CLK1: variants seen among roughly 807,000 people sequenced by gnomAD.
The protein encoded by CLK1 is CDC like kinase 1.
In CLK1, 40 loss-of-function variants were observed where a neutral mutation model predicts 60.9. That is an observed-to-expected ratio of 0.66 (90% CI 0.51 to 0.86). The LOEUF (loss-of-function observed/expected upper bound fraction) is 0.86, where lower values mean the gene tolerates loss of function less well. Ranked by LOEUF, CLK1 falls within the 40% of genes least tolerant of loss-of-function variation. The pLI is 0.00. For synonymous variants in CLK1, 203 were observed against 184.4 expected, an observed-to-expected ratio of 1.10 and a Z score of -0.82; for missense variants, 563 against 606.1, an observed-to-expected ratio of 0.93 and a Z score of 0.75.
Position 200,861,434 on chromosome 2 carries a change from T to C in CLK1, c.194A>G (p.Lys65Arg), listed in dbSNP as rs759869436. The change falls in exon 3 of 13, where the codon AAA (lysine) becomes AGA (arginine). Residue 65 changes from lysine (K) to arginine (R), a missense_variant. Physicochemically the swap from Lys to Arg is conservative, Grantham distance 26 (BLOSUM62 2). This residue lies in a region of CLK1 where 198 missense variants were observed against 179.2 expected (regional missense o/e 1.10). Transcript: ENST00000321356. ...HYLESRSINEKDYHSRRYIDE... is the reference protein window; with the variant it reads ...HYLESRSINERDYHSRRYIDE... ...AATGTAGCGTCGACTATGATAATCT[T>C]TCTCATTTATAGACCTGCTTTCCAA... 13 of 1,613,860 alleles carry C rather than the reference T, an allele frequency of 8.1e-6. No homozygotes were observed. The highest frequency in any genetic ancestry group is 1.1e-5 in the Non-Finnish European group (13 of 1,179,994).
At chr2:200,863,321 G>C (rs2039172003) in intron 1 of CLK1, 1 of 152,374 alleles carries the variant, frequency 6.6e-6, no homozygotes, top group East Asian at 1.9e-4. Flanking sequence ...CACTTTGGGA[G>C]GCCGAAGCAG....
intron 9 of CLK1, among the ~76,000 whole-genome samples, chr2:200,855,623 C>CCG (rs1553605788): frequency 6.8e-6 from 1 of 147,204 alleles, no homozygotes; most frequent in Non-Finnish European, 1.5e-5. Flanking sequence ...AGACTCCGCC[C>CCG]CCCCCCCAAA....
Position 200,859,674 on chromosome 2 carries a change from A to G in CLK1, c.548+6T>C. 1.2e-6 allele frequency: 2 copies of G among 1,611,282 alleles called. No homozygotes were observed. Among genetic ancestry groups the G allele is most frequent in the Non-Finnish European group, 1.7e-6 (2 of 1,178,726 alleles). ...CCTAAAAGTAATCCCAACATGGGAAACTTACGCTTTATGATCGATGCACTC... is the reference window on the plus strand; with the variant it reads ...CCTAAAAGTAATCCCAACATGGGAAGCTTACGCTTTATGATCGATGCACTC... On this transcript the variant is annotated splice_donor_region_variant and intron_variant, in intron 5 of 12. Coordinates refer to ENST00000321356, the MANE Select transcript of CLK1 (RefSeq NM_004071.4).
intron 11 of CLK1, among the ~76,000 whole-genome samples, chr2:200,854,287 G>A (rs1961417): frequency 9.9e-5 from 15 of 152,224 alleles, no homozygotes; most frequent in African/African-American, 3.6e-4. Context: ...TGTAATCTCA[G>A]CACTTTGGGA....
chr2:200,856,111 C>T (rs147031285), intron 9 of CLK1, among the ~76,000 whole-genome samples: 15 of 151,984 alleles, frequency 9.9e-5, no homozygotes, highest in African/African-American at 2.2e-4. Flanking sequence ...CTCGCTCTGT[C>T]GCCCAGGCCG....
At chr2:200,861,096 CACAA>C (rs2039130099) in intron 3 of CLK1, 138 bp downstream of exon 3, 1 of 1,455,766 alleles carries the variant, frequency 6.9e-7, no homozygotes, top group Non-Finnish European at 9.0e-7. Context: ...CTATCCAATG[CACAA>C]ACACAGAAAA....
intron 5 of CLK1, among the ~76,000 whole-genome samples, chr2:200,858,393 G>A (rs1367289186): frequency 6.6e-6 from 1 of 152,156 alleles, no homozygotes; most frequent in African/African-American, 2.4e-5. Context: ...ATACAGTGGG[G>A]AAAGAGTAAA....
chr2:200,863,702 A>G (rs1479627643), intron 1 of CLK1, among the ~76,000 whole-genome samples: 1 of 152,106 alleles, frequency 6.6e-6, no homozygotes, highest in Non-Finnish European at 1.5e-5. Context: ...AAAAATACAA[A>G]CATTAGCCCG....
intron 4 of CLK1, 154 bp downstream of exon 4, chr2:200,859,971 A>C: frequency 1.4e-6 from 2 of 1,435,018 alleles, no homozygotes; most frequent in Non-Finnish European, 1.8e-6. Context: ...TTCTAAAGAA[A>C]GCAAAAATAC....
chr2:200,857,433 A>G (rs12988180), intron 7 of CLK1: 13,893 of 296,494 alleles, frequency 0.047, 415 homozygotes, highest in Non-Finnish European at 0.066. Context: ...TTTATGAGAT[A>G]TATCACGCCT....
At chr2:200,853,764 T>C in intron 12 of CLK1, 139 bp downstream of exon 12, 1 of 458,496 alleles carries the variant, frequency 2.2e-6, no homozygotes, top group Non-Finnish European at 3.8e-6. Flanking sequence ...TGCTTGAGCC[T>C]AGGATGCAGA....
At chr2:200,857,530 G>A in intron 7 of CLK1, 188 bp downstream of exon 7, 4 of 498,026 alleles carry the variant, frequency 8.0e-6, no homozygotes, top group South Asian at 6.9e-5. Flanking sequence ...TTGTTATATG[G>A]TGGATATCCT....
intron 1 of CLK1, chr2:200,864,130 G>C: frequency 6.4e-7 from 1 of 1,551,216 alleles, no homozygotes; most frequent in Non-Finnish European, 8.7e-7. Context: ...CAGCTGCTTG[G>C]CTCACGCACA....
rs541424696 is a variant in CLK1 at position 200,863,438 on chromosome 2, G to A, written c.-1+1126C>T. 2.0e-5 allele frequency among the ~76,000 whole-genome samples: 3 copies of A among 152,132 alleles called. No homozygotes were observed. In the South Asian group the frequency reaches 6.2e-4, roughly 32 times the overall value. On this transcript the variant is annotated intron_variant, in intron 1 of 12. Transcript: ENST00000321356. The stretch of plus-strand genomic sequence containing the variant: ...CCAGGAGTGGTGGCGCGCGCCTGTA[G>A]TCCCAACTACTCAGGAGGCTGAGGT...
At position 200,860,128 on chromosome 2, in the gene CLK1, T is replaced by C. The variant is rs776171170; in HGVS notation, c.478A>G (p.Arg160Gly). The change falls in exon 4 of 13, where the codon AGA becomes GGA. Residue 160 changes from arginine (R) to glycine (G), a missense_variant. By Grantham distance (125) the Arg-to-Gly change is moderately radical. Around this residue, in one of 3 missense-constraint regions of CLK1, gnomAD observed 360 missense variants for 407.0 expected, o/e 0.88. Coordinates refer to ENST00000321356, the MANE Select transcript of CLK1 (RefSeq NM_004071.4). ...ICQSGDVLSA[R>G]YEIVDTLGEG... ...AGTGTTGAAAAATATTCTATACATC[T>C]TGCACTTAGTACGTCTCCACTCTGA... 6.2e-7 allele frequency: 1 copy of C among 1,613,306 alleles called. No homozygotes were observed. The highest frequency in any genetic ancestry group is 2.2e-5 in the East Asian group (1 of 44,882).
intron 1 of CLK1, 99 bp downstream of exon 1, chr2:200,864,465 G>T: frequency 2.0e-6 from 1 of 505,132 alleles, no homozygotes; most frequent in Non-Finnish European, 3.4e-6. Context: ...CGCCGGGGAC[G>T]GCGGGCAGCA....
At position 200,856,724 on chromosome 2, in the gene CLK1, A is replaced by G; in HGVS notation, c.1015T>C (p.Leu339=). The change falls in exon 9 of 13, where the codon TTG becomes CTG. Residue 339 remains leucine, a synonymous_variant. Coordinates refer to ENST00000321356, the MANE Select transcript of CLK1 (RefSeq NM_004071.4). Reference sequence around the variant, plus strand: ...GCTCTATAATGTCTTGTAGATACCAATGTACTGTGATGTTCGTCATCATAT... The same window carrying G: ...GCTCTATAATGTCTTGTAGATACCAGTGTACTGTGATGTTCGTCATCATAT... ...ATYDDEHHST[L]VSTRHYRAPE... is the part of the protein sequence containing the mutation. The G allele has an allele frequency of 6.2e-7, 1 of 1,612,288 alleles. No individual in the cohort carries two copies. The highest frequency in any genetic ancestry group is 1.1e-5 in the South Asian group (1 of 90,880).
At chr2:200,860,396 T>TA (rs2039117964) in intron 3 of CLK1, 181 bp from the exon 4 acceptor site, 1 of 1,344,622 alleles carries the variant, frequency 7.4e-7, no homozygotes, top group African/African-American at 1.5e-5. Flanking sequence ...ACAGGGCACA[T>TA]AGTTTATGTT....
At chr2:200,854,577 C>A in intron 11 of CLK1, 39 bp downstream of exon 11, 2 of 1,200,282 alleles carry the variant, frequency 1.7e-6, no homozygotes, top group South Asian at 1.3e-5. Flanking sequence ...CAGATGTGAT[C>A]AAATGATACT....
Sources: allele counts gnomAD v4.1 joint callset (sites outside exome capture counted in the v4.1 genomes callset), GRCh38; gene constraint gnomAD v4.1.1; regional missense constraint gnomAD v4.1.1; transcripts MANE v1.5; gene names NCBI Gene and HGNC (gene_info 2026-07-23, HGNC 2026-07-21).